CLSTN2: variants seen among roughly 807,000 people sequenced by gnomAD.
CLSTN2 encodes the protein calsyntenin 2.
CLSTN2 carries 48 observed loss-of-function variants against 101.2 expected under a neutral mutation model. That is an observed-to-expected ratio of 0.47 (90% CI 0.38 to 0.60). CLSTN2 has a LOEUF of 0.60. Ranked by LOEUF, CLSTN2 falls within the 20% of genes least tolerant of loss-of-function variation. The pLI is 0.00. For missense variants in CLSTN2, 1,160 were observed against 1,238.2 expected, an observed-to-expected ratio of 0.94 and a Z score of 0.95; for synonymous variants, 481 against 463.6, an observed-to-expected ratio of 1.04 and a Z score of -0.48.
intron 1 of CLSTN2, among the ~76,000 whole-genome samples, chr3:140,038,443 A>G (rs115263040): frequency 0.01 from 1,554 of 151,308 alleles, 26 homozygotes; most frequent in African/African-American, 0.034. Context: ...TGGATATTAG[A>G]CTCTTGTCAG....
chr3:140,568,946 A>T lies in CLSTN2; in HGVS notation c.*2693A>T, dbSNP rs758756941. 1 of 152,234 alleles carries T rather than the reference A, an allele frequency of 6.6e-6. No homozygotes were observed. The highest frequency in any genetic ancestry group is 1.5e-5 in the Non-Finnish European group (1 of 68,046). 9.4% of individuals were successfully genotyped at this position (152,234 alleles called of 1,614,324 possible). On this transcript the variant is annotated 3_prime_UTR_variant, in exon 17 of 17. Coordinates refer to ENST00000458420, the MANE Select transcript of CLSTN2 (RefSeq NM_022131.3). ...CATTTGCAGAGAAACAGTGGTGACA[A>T]CAAATCAGAGCTGTTTCCCTCAACT...
intron 1 of CLSTN2, among the ~76,000 whole-genome samples, chr3:140,152,948 A>G (rs1381556436): frequency 6.6e-6 from 1 of 152,240 alleles, no homozygotes; most frequent in East Asian, 1.9e-4. Flanking sequence ...TACATGCACT[A>G]AATTTAACTC....
intron 1 of CLSTN2, among the ~76,000 whole-genome samples, chr3:139,942,986 A>C (rs755984555): frequency 7.9e-5 from 12 of 152,084 alleles, no homozygotes; most frequent in Non-Finnish European, 1.8e-4. Context: ...CCTGATCAAT[A>C]CTTTTTTTCC....
At chr3:140,342,676 A>T (rs1398835057) in intron 2 of CLSTN2, among the ~76,000 whole-genome samples, 1 of 152,092 alleles carries the variant, frequency 6.6e-6, no homozygotes, top group Admixed American at 6.5e-5. Context: ...TCTGCTCCTG[A>T]TGTCTGGGGT....
intron 2 of CLSTN2, among the ~76,000 whole-genome samples, chr3:140,287,371 T>C (rs750290020): frequency 1.3e-5 from 2 of 152,150 alleles, no homozygotes; most frequent in African/African-American, 2.4e-5. Flanking sequence ...TGTTTGGGCA[T>C]TGGAGTGCAT....
intron 7 of CLSTN2, 104 bp from the exon 8 acceptor site, chr3:140,466,506 C>G: frequency 1.5e-6 from 2 of 1,378,492 alleles, no homozygotes; most frequent in Non-Finnish European, 1.0e-6. Flanking sequence ...AGTGCCCATG[C>G]CTTTGTCCTC....
Position 140,171,763 on chromosome 3 carries a change from A to G in CLSTN2, c.110-4188A>G, listed in dbSNP as rs1412502787. 1.3e-4 allele frequency among the ~76,000 whole-genome samples: 12 copies of G among 95,018 alleles called. No homozygotes were observed. The East Asian group carries it at 2.6e-3, about 21-fold the overall frequency. 62.3% of individuals were successfully genotyped at this position (95,018 alleles called of 152,430 possible). ...TTAATATATAATATGTATAATATAT[A>G]ATATATAATATGTATTATATAATAT... On this transcript the variant is annotated intron_variant, in intron 1 of 16. Transcript: ENST00000458420.
intron 2 of CLSTN2, among the ~76,000 whole-genome samples, chr3:140,346,299 A>G (rs1208588237): frequency 2.0e-5 from 3 of 152,208 alleles, no homozygotes; most frequent in Non-Finnish European, 4.4e-5. Context: ...TAATAGCCCA[A>G]ACAAGTTCTT....
intron 1 of CLSTN2, among the ~76,000 whole-genome samples, chr3:139,965,487 C>G (rs531490125): frequency 1.3e-5 from 2 of 152,298 alleles, no homozygotes; most frequent in South Asian, 4.1e-4. Context: ...GCCATGGTCT[C>G]AGGGCCTCCC....
intron 2 of CLSTN2, among the ~76,000 whole-genome samples, chr3:140,277,453 C>G (rs1050394778): frequency 6.6e-6 from 1 of 152,178 alleles, no homozygotes; most frequent in African/African-American, 2.4e-5. Flanking sequence ...CTGAATAGTT[C>G]TGCAGATGAC....
At chr3:140,429,152 A>G (rs2088602717) in intron 5 of CLSTN2, among the ~76,000 whole-genome samples, 1 of 152,202 alleles carries the variant, frequency 6.6e-6, no homozygotes, top group African/African-American at 2.4e-5. Flanking sequence ...AGTTATTGGC[A>G]TTGTGAGAGA....
intron 8 of CLSTN2, among the ~76,000 whole-genome samples, chr3:140,499,178 C>A (rs911384453): frequency 6.6e-6 from 1 of 152,092 alleles, no homozygotes; most frequent in African/African-American, 2.4e-5. Flanking sequence ...AATTCATATA[C>A]CTGACTCTGA....
intron 5 of CLSTN2, among the ~76,000 whole-genome samples, chr3:140,445,389 G>A (rs1367697233): frequency 6.6e-6 from 1 of 152,188 alleles, no homozygotes; most frequent in Non-Finnish European, 1.5e-5. Flanking sequence ...AATCAATGAG[G>A]AGGGTGTCTT....
chr3:140,198,805 A>C (rs2010681879), intron 2 of CLSTN2, among the ~76,000 whole-genome samples: 1 of 152,196 alleles, frequency 6.6e-6, no homozygotes, highest in Admixed American at 6.5e-5. Flanking sequence ...AGGCTCTAAA[A>C]CAGTGGCTGA....
At chr3:140,556,882 A>G in intron 11 of CLSTN2, 1 of 532,378 alleles carries the variant, frequency 1.9e-6, no homozygotes, top group South Asian at 2.3e-5. Context: ...ACCTTTCTCT[A>G]TCTTGTATCT....
chr3:140,233,391 C>T (rs2086388364), intron 2 of CLSTN2, among the ~76,000 whole-genome samples: 1 of 152,202 alleles, frequency 6.6e-6, no homozygotes, highest in South Asian at 2.1e-4. Flanking sequence ...GCTCATGCAG[C>T]ACCCCATGGC....
At chr3:140,204,530 T>A (rs921278824) in intron 2 of CLSTN2, among the ~76,000 whole-genome samples, 2 of 152,382 alleles carry the variant, frequency 1.3e-5, no homozygotes, top group South Asian at 2.1e-4. Context: ...TGCATGTGTA[T>A]GTGTTTGTTT....
chr3:139,945,873 A>G (rs1034899881), intron 1 of CLSTN2, among the ~76,000 whole-genome samples: 1 of 152,226 alleles, frequency 6.6e-6, no homozygotes, highest in Non-Finnish European at 1.5e-5. Context: ...GCTGACCCAT[A>G]TATAGCATTA....
chr3:140,394,174 GT>G (rs1417763506), intron 2 of CLSTN2, among the ~76,000 whole-genome samples: 3 of 151,912 alleles, frequency 2.0e-5, no homozygotes, highest in Non-Finnish European at 2.9e-5. Flanking sequence ...TACATTCTCA[GT>G]TTTTTCAAAA....
Sources: allele counts gnomAD v4.1 joint callset (sites outside exome capture counted in the v4.1 genomes callset), GRCh38; gene constraint gnomAD v4.1.1; transcripts MANE v1.5; gene names NCBI Gene and HGNC (gene_info 2026-07-23, HGNC 2026-07-21).